Variants in FOXN3 observed in about 807,000 individuals in gnomAD.
FOXN3 encodes the protein forkhead box N3, also known as forkhead box protein N3.
A neutral mutation model predicts 38.4 loss-of-function variants in FOXN3; 7 were observed. The ratio of observed to expected loss-of-function variants is 0.18; its 90% CI spans 0.10 to 0.34. FOXN3 has a LOEUF of 0.34. FOXN3 is among the 10% of genes least tolerant of loss of function. FOXN3 has a pLI of 1.00. For synonymous variants in FOXN3, 230 were observed against 242.2 expected (o/e 0.95, Z 0.47); for missense variants, 456 against 613.4 (o/e 0.74, Z 2.71).
chr14:89,533,215 G>A (rs1332568587), intron 1 of FOXN3, among the ~76,000 whole-genome samples: 6 of 152,138 alleles, frequency 3.9e-5, no homozygotes, highest in African/African-American at 1.4e-4. Flanking sequence ...AGCCACACAT[G>A]AGGCCCCTTG....
chr14:89,282,510 G>C (rs975611496), intron 3 of FOXN3, among the ~76,000 whole-genome samples: 2 of 152,126 alleles, frequency 1.3e-5, no homozygotes, highest in Admixed American at 6.5e-5. Context: ...GCTCAAAGTT[G>C]CATGAAGAAT....
In FOXN3 at chr14:89,557,776, C is replaced by T. The variant is rs1449579173; in HGVS notation, c.-15+61252G>A. ...ATCCCAGCACTTCAGGAGGCTGAGG[C>T]GGGTAGATCACTTGAGGCCAGAAGT... is the stretch of plus-strand genomic sequence containing the variant. On this transcript the variant is annotated intron_variant, in intron 1 of 6. Transcript: ENST00000345097. Among the ~76,000 whole-genome samples, 5 of 152,244 alleles carry T rather than the reference C, an allele frequency of 3.3e-5. No individual in the cohort carries two copies. The East Asian group carries it at 9.7e-4, about 29-fold the overall frequency.
chr14:89,347,418 A>G (rs993679110), intron 3 of FOXN3, among the ~76,000 whole-genome samples: 2 of 152,174 alleles, frequency 1.3e-5, no homozygotes, highest in Non-Finnish European at 2.9e-5. Context: ...AGAAGCTAGG[A>G]GAGAGGGGTG....
At chr14:89,471,205 T>G (rs1893088084) in intron 1 of FOXN3, among the ~76,000 whole-genome samples, 1 of 152,148 alleles carries the variant, frequency 6.6e-6, no homozygotes, top group African/African-American at 2.4e-5. Flanking sequence ...GGCACCTACC[T>G]AGACCCTTGA....
intron 2 of FOXN3, among the ~76,000 whole-genome samples, chr14:89,398,965 CAA>C (rs1218981308): frequency 1.3e-5 from 2 of 152,218 alleles, no homozygotes; most frequent in African/African-American, 4.8e-5. Flanking sequence ...GCCTGGGCAA[CAA>C]GAGTAAAACT....
chr14:89,512,546 C>T (rs1894114172), intron 1 of FOXN3, among the ~76,000 whole-genome samples: 1 of 152,218 alleles, frequency 6.6e-6, no homozygotes, highest in African/African-American at 2.4e-5. Flanking sequence ...TTTGTTTGTA[C>T]AGACTCATCT....
At chr14:89,375,325 C>A (rs1391069110) in intron 2 of FOXN3, among the ~76,000 whole-genome samples, 2 of 151,544 alleles carry the variant, frequency 1.3e-5, no homozygotes, top group East Asian at 3.9e-4. Context: ...AAAAGCAAAC[C>A]ACAAATTTAA....
intron 2 of FOXN3, among the ~76,000 whole-genome samples, chr14:89,360,653 C>G (rs1889447382): frequency 6.6e-6 from 1 of 151,682 alleles, no homozygotes; most frequent in Admixed American, 6.6e-5. Context: ...CTGATACCCT[C>G]ACAGCCGCAG....
intron 3 of FOXN3, among the ~76,000 whole-genome samples, chr14:89,321,249 T>C (rs1887886942): frequency 1.3e-5 from 2 of 151,534 alleles, no homozygotes; most frequent in African/African-American, 4.9e-5. Context: ...AGAGATTGCG[T>C]TACTGCCCTC....
intron 3 of FOXN3, among the ~76,000 whole-genome samples, chr14:89,329,688 T>A (rs1427653542): frequency 6.6e-6 from 1 of 151,720 alleles, no homozygotes; most frequent in East Asian, 1.9e-4. Context: ...AAACCCTGTC[T>A]CTACTAAAAA....
chr14:89,188,740 G>A (rs1254564940), intron 4 of FOXN3, among the ~76,000 whole-genome samples: 2 of 152,120 alleles, frequency 1.3e-5, no homozygotes, highest in Non-Finnish European at 2.9e-5. Flanking sequence ...TGTTTCCACT[G>A]GGTTGAGTTA....
chr14:89,325,375 A>G (rs1888049164), intron 3 of FOXN3, among the ~76,000 whole-genome samples: 1 of 138,912 alleles, frequency 7.2e-6, no homozygotes, highest in South Asian at 2.5e-4. Flanking sequence ...CACCACCGCC[A>G]CCACCACCAT....
intron 1 of FOXN3, among the ~76,000 whole-genome samples, chr14:89,609,721 AT>A (rs1896352158): frequency 6.6e-6 from 1 of 152,062 alleles, no homozygotes; most frequent in South Asian, 2.1e-4. Flanking sequence ...CAAAGCCCAT[AT>A]TTCAAGAGGG....
intron 4 of FOXN3, among the ~76,000 whole-genome samples, chr14:89,279,717 T>C (rs1886401210): frequency 1.3e-5 from 2 of 152,310 alleles, no homozygotes; most frequent in African/African-American, 4.8e-5. Context: ...TTATTAAAAT[T>C]AGGTTTAACC....
At chr14:89,383,874 C>CT (rs1890724039) in intron 2 of FOXN3, among the ~76,000 whole-genome samples, 1 of 151,496 alleles carries the variant, frequency 6.6e-6, no homozygotes, top group Admixed American at 6.6e-5. Context: ...ACTGCAAACT[C>CT]TGCCTCCCAG....
intron 3 of FOXN3, among the ~76,000 whole-genome samples, chr14:89,288,121 C>T (rs1239595741): frequency 6.6e-6 from 1 of 151,910 alleles, no homozygotes; most frequent in African/African-American, 2.4e-5. Flanking sequence ...AAAATGGGCA[C>T]GCGATCAAGA....
rs190795881 is a variant in FOXN3 at position 89,452,827 on chromosome 14, C to T, written c.-14-40337G>A. 2.6e-5 allele frequency among the ~76,000 whole-genome samples: 4 copies of T among 152,328 alleles called. No homozygotes were observed. The East Asian group carries it at 5.8e-4, about 22-fold the overall frequency. On this transcript the variant is annotated intron_variant, in intron 1 of 6. Coordinates refer to the FOXN3 transcript ENST00000345097. ...ATATAAACCAGAAATCAAAACCTTTCAAAGTGCCTATCTAAAACATAACCA... is the reference window on the plus strand; with the variant it reads ...ATATAAACCAGAAATCAAAACCTTTTAAAGTGCCTATCTAAAACATAACCA...
At chr14:89,219,865 T>C (rs1349646006) in intron 4 of FOXN3, among the ~76,000 whole-genome samples, 2 of 152,192 alleles carry the variant, frequency 1.3e-5, no homozygotes, top group Non-Finnish European at 2.9e-5. Flanking sequence ...CCCCTGAGAT[T>C]GCTGGGATGC....
In FOXN3 at chr14:89,162,618, G is replaced by A; in HGVS notation, c.1203C>T (p.His401=). The A allele has an allele frequency of 6.2e-7, 1 of 1,614,030 alleles. No homozygotes were observed. Among genetic ancestry groups the A allele is most frequent in the South Asian group, 1.1e-5 (1 of 91,056 alleles). ...TGGGGACCTTCCTGGCCTTGGCGAAGTGCTGGCGCTTCTTGTGCTGGGATG... is the reference window on the plus strand; with the variant it reads ...TGGGGACCTTCCTGGCCTTGGCGAAATGCTGGCGCTTCTTGTGCTGGGATG... ...GYASQHKKRQ[H]FAKARKVPSD... Residue 401 remains histidine, a synonymous_variant, in exon 6 of 6, where the codon CAC becomes CAT. Coordinates refer to ENST00000557258, the MANE Select transcript of FOXN3 (RefSeq NM_005197.4). The surrounding 1 kb of genome is among the most constrained non-coding windows in gnomAD (Gnocchi z 7.2).
Sources: gnomAD v4.1 joint callset for allele counts (sites outside exome capture counted in the v4.1 genomes callset) on GRCh38, gnomAD v4.1.1 for gene constraint, Gnocchi (gnomAD v3.1) non-coding constraint, MANE v1.5 for transcripts, NCBI Gene and HGNC (gene_info 2026-07-23, HGNC 2026-07-21) for gene names.